ZBTB7C: variants seen among roughly 807,000 people sequenced by gnomAD.
The protein encoded by ZBTB7C is zinc finger and BTB domain containing 7C.
Under a neutral mutation model 25.7 loss-of-function variants are expected in ZBTB7C, and 8 were observed. The observed-to-expected ratio is 0.31, with a 90% CI of 0.18 to 0.56. ZBTB7C has a LOEUF of 0.56. Among genes scored for constraint, ZBTB7C ranks in the 20% least tolerant of loss-of-function variants. The pLI is 0.91. For missense variants in ZBTB7C, 824 were observed against 855.2 expected (o/e 0.96, Z 0.46); for synonymous variants, 394 against 369.0 (o/e 1.07, Z -0.78).
chr18:48,281,130 AG>A (rs2044834774), intron 2 of ZBTB7C, among the ~76,000 whole-genome samples: 1 of 152,140 alleles, frequency 6.6e-6, no homozygotes, highest in African/African-American at 2.4e-5. Flanking sequence ...CTGGGATTAC[AG>A]GCGTGAGCCA....
intron 3 of ZBTB7C, among the ~76,000 whole-genome samples, chr18:48,122,205 G>A (rs568857516): frequency 5.8e-4 from 89 of 152,316 alleles, no homozygotes; most frequent in African/African-American, 2.0e-3. Flanking sequence ...AGAGGTGTGG[G>A]CAGCACAGTT....
chr18:48,398,673 C>T (rs1192965969), intron 1 of ZBTB7C, among the ~76,000 whole-genome samples: 3 of 152,108 alleles, frequency 2.0e-5, no homozygotes, highest in African/African-American at 4.8e-5. Flanking sequence ...CAGACCCCAC[C>T]GCTTCCCCAC....
At chr18:48,356,692 G>A (rs930551060) in intron 1 of ZBTB7C, among the ~76,000 whole-genome samples, 24 of 152,322 alleles carry the variant, frequency 1.6e-4, no homozygotes, top group African/African-American at 5.8e-4. Context: ...ATTGCTAGGA[G>A]TACCTGGGGA....
In ZBTB7C at chr18:48,029,505, T is replaced by C; in HGVS notation, c.1615A>G (p.Lys539Glu). Reference sequence around the variant, plus strand: ...AGCTCTTGCAGGCTCAGGGCGCCCTTGGGCGCTGCCAGGAAGTGCTTGGCG... The same window carrying C: ...AGCTCTTGCAGGCTCAGGGCGCCCTCGGGCGCTGCCAGGAAGTGCTTGGCG... Reference protein sequence around the residue: ...SPAKHFLAAPKGALSLQELER... With the variant: ...SPAKHFLAAPEGALSLQELER... Residue 539 changes from lysine (K) to glutamate (E), a missense_variant, in exon 5 of 5, where the codon AAG becomes GAG. Coordinates refer to ENST00000590800, the MANE Select transcript of ZBTB7C (RefSeq NM_001318841.2). The C allele has an allele frequency of 1.3e-6, 2 of 1,589,848 alleles. No individual in the cohort carries two copies. The highest frequency in any genetic ancestry group is 1.7e-6 in the Non-Finnish European group (2 of 1,174,120).
At chr18:48,191,851 G>A (rs1018375170) in intron 2 of ZBTB7C, among the ~76,000 whole-genome samples, 8 of 152,188 alleles carry the variant, frequency 5.3e-5, no homozygotes, top group Admixed American at 3.9e-4. Flanking sequence ...CCCTTGGAAT[G>A]CAAAATGGTA....
chr18:48,374,476 A>G (rs2047468034), intron 1 of ZBTB7C, among the ~76,000 whole-genome samples: 1 of 152,130 alleles, frequency 6.6e-6, no homozygotes, highest in Admixed American at 6.5e-5. Flanking sequence ...GAGGCAGTCC[A>G]TTCTTCCTCA....
intron 2 of ZBTB7C, among the ~76,000 whole-genome samples, chr18:48,329,913 G>A (rs1468116372): frequency 2.6e-5 from 4 of 152,152 alleles, no homozygotes; most frequent in African/African-American, 7.2e-5. Flanking sequence ...CAACAATCCC[G>A]GGAGGGAGAT....
At chr18:48,289,030 T>G (rs2144676177) in intron 2 of ZBTB7C, among the ~76,000 whole-genome samples, 1 of 152,286 alleles carries the variant, frequency 6.6e-6, no homozygotes, top group African/African-American at 2.4e-5. Context: ...AATTGTTGAC[T>G]GAACTTCAGT....
intron 1 of ZBTB7C, among the ~76,000 whole-genome samples, chr18:48,394,705 G>T (rs190128030): frequency 1.3e-5 from 2 of 152,158 alleles, no homozygotes; most frequent in East Asian, 3.9e-4. Flanking sequence ...ACATTAGCAG[G>T]GGCAAAAATT....
intron 2 of ZBTB7C, among the ~76,000 whole-genome samples, chr18:48,224,395 A>G (rs2145313136): frequency 6.6e-6 from 1 of 152,322 alleles, no homozygotes; most frequent in Non-Finnish European, 1.5e-5. Context: ...GAGCACAAGG[A>G]GCAGAGGAAG....
chr18:48,247,518 T>C (rs1197546641), intron 2 of ZBTB7C, among the ~76,000 whole-genome samples: 1 of 152,220 alleles, frequency 6.6e-6, no homozygotes, highest in Non-Finnish European at 1.5e-5. Flanking sequence ...TGGCTTCCCA[T>C]CTCCCTCAGA....
At chr18:48,282,241 CAT>C (rs1443020217) in intron 2 of ZBTB7C, among the ~76,000 whole-genome samples, 2 of 140,104 alleles carry the variant, frequency 1.4e-5, no homozygotes, top group African/African-American at 5.5e-5. Context: ...TATTCTCACT[CAT>C]AGGTGGGAAT....
intron 3 of ZBTB7C, among the ~76,000 whole-genome samples, chr18:48,164,031 A>G (rs2144973004): frequency 6.6e-6 from 1 of 152,274 alleles, no homozygotes; most frequent in East Asian, 1.9e-4. Context: ...GAGTACTAAT[A>G]TGCATTTTTA....
At chr18:48,154,278 C>CTA (rs2040767424) in intron 3 of ZBTB7C, among the ~76,000 whole-genome samples, 1 of 152,190 alleles carries the variant, frequency 6.6e-6, no homozygotes. Flanking sequence ...AGGAAGCAGT[C>CTA]TGAGGATAGA....
At position 48,355,921 on chromosome 18, in the gene ZBTB7C, G is replaced by A. The variant is rs180672134; in HGVS notation, c.-303-17523C>T. The stretch of plus-strand genomic sequence containing the variant: ...CTAAGACCTCACACCCCAGGTGAGC[G>A]GGCTGAGAAGTTCACGTTGGCTTTC... On this transcript the variant is annotated intron_variant, in intron 1 of 4. Transcript: ENST00000590800. Among the ~76,000 whole-genome samples, 230 of 152,288 alleles carry A rather than the reference G, an allele frequency of 1.5e-3. 2 individuals carry two copies. The highest frequency in any genetic ancestry group is 5.2e-3 in the African/African-American group (214 of 41,550).
chr18:48,304,629 C>T (rs1251506045), intron 2 of ZBTB7C, among the ~76,000 whole-genome samples: 1 of 152,042 alleles, frequency 6.6e-6, no homozygotes, highest in South Asian at 2.1e-4. Context: ...GAGCCAAGAC[C>T]GCACCACTGC....
chr18:48,154,801 C>T (rs1169334079), intron 3 of ZBTB7C, among the ~76,000 whole-genome samples: 1 of 152,202 alleles, frequency 6.6e-6, no homozygotes, highest in African/African-American at 2.4e-5. Context: ...GCAAGTGCCC[C>T]TGGCTGGCAT....
chr18:48,239,294 C>A (rs938459368), intron 2 of ZBTB7C, among the ~76,000 whole-genome samples: 18 of 152,150 alleles, frequency 1.2e-4, no homozygotes, highest in African/African-American at 4.3e-4. Context: ...CTGCCCATCA[C>A]CTAAGAAACC....
intron 2 of ZBTB7C, among the ~76,000 whole-genome samples, chr18:48,249,271 C>A (rs2043780544): frequency 6.6e-6 from 1 of 152,088 alleles, no homozygotes; most frequent in Non-Finnish European, 1.5e-5. Context: ...GGAATTATTC[C>A]TATGGAAATT....
Sources: allele counts gnomAD v4.1 joint callset (sites outside exome capture counted in the v4.1 genomes callset), GRCh38; gene constraint gnomAD v4.1.1; transcripts MANE v1.5; gene names NCBI Gene and HGNC (gene_info 2026-07-23, HGNC 2026-07-21).